The following NYAP2 variants were observed in gnomAD, a reference collection of about 807,000 sequenced individuals.
NYAP2 encodes the protein neuronal tyrosine-phosphorylated phosphoinositide-3-kinase adaptor 2.
Under a neutral mutation model 50.4 loss-of-function variants are expected in NYAP2, and 23 were observed. The observed-to-expected ratio is 0.46, with a 90% CI of 0.33 to 0.65. The LOEUF (loss-of-function observed/expected upper bound fraction) is 0.65. Among genes scored for constraint, NYAP2 ranks in the 30% least tolerant of loss-of-function variants. The pLI is 0.02. For synonymous variants in NYAP2, 394 were observed against 365.2 expected, an observed-to-expected ratio of 1.08 and a Z score of -0.90; for missense variants, 885 against 861.0, an observed-to-expected ratio of 1.03 and a Z score of -0.35.
the NYAP2 span, among the ~76,000 whole-genome samples, chr2:225,682,576 G>A: frequency 6.6e-6 from 1 of 152,166 alleles, no homozygotes; most frequent in Non-Finnish European, 1.5e-5. Context: ...GGAGGTGGAG[G>A]AGGAAAGGAG....
intron 4 of NYAP2, among the ~76,000 whole-genome samples, chr2:225,523,770 A>G (rs1691107115): frequency 6.6e-6 from 1 of 152,170 alleles, no homozygotes; most frequent in African/African-American, 2.4e-5. Flanking sequence ...AATCCTTAAA[A>G]GGAACAAAAC....
the NYAP2 span, among the ~76,000 whole-genome samples, chr2:225,686,213 G>A: frequency 1.3e-5 from 2 of 152,134 alleles, no homozygotes; most frequent in African/African-American, 2.4e-5. Context: ...GCTCCTAAGA[G>A]ATACAAAGTT....
chr2:225,431,223 T>C (rs1488826747), intron 3 of NYAP2, among the ~76,000 whole-genome samples: 1 of 152,260 alleles, frequency 6.6e-6, no homozygotes, highest in Non-Finnish European at 1.5e-5. Context: ...CAGACTAGTA[T>C]TTTAATCCAC....
chr2:225,666,217 C>T, the NYAP2 span, among the ~76,000 whole-genome samples: 1 of 152,146 alleles, frequency 6.6e-6, no homozygotes, highest in Non-Finnish European at 1.5e-5. Flanking sequence ...ACCTATGTAG[C>T]CTACCTTCTC....
chr2:225,512,509 C>T (rs961823677), intron 3 of NYAP2, among the ~76,000 whole-genome samples: 1 of 149,814 alleles, frequency 6.7e-6, no homozygotes, highest in African/African-American at 2.5e-5. Context: ...CCCTCCCTGC[C>T]TTTCCTCCTT....
chr2:225,420,431 T>G (rs151186429), intron 3 of NYAP2, among the ~76,000 whole-genome samples: 62 of 152,226 alleles, frequency 4.1e-4, no homozygotes, highest in Non-Finnish European at 8.1e-4. Context: ...TTTAAAATTT[T>G]TTTATAGTTT....
chr2:225,570,951 T>C (rs1692059834), intron 4 of NYAP2, among the ~76,000 whole-genome samples: 1 of 152,224 alleles, frequency 6.6e-6, no homozygotes, highest in Admixed American at 6.5e-5. Context: ...ATTGGGTAAA[T>C]ATGCATGTTC....
chr2:225,494,051 G>C (rs766459028), intron 3 of NYAP2, among the ~76,000 whole-genome samples: 10 of 152,124 alleles, frequency 6.6e-5, no homozygotes, highest in Non-Finnish European at 1.5e-4. Context: ...CTTCTCTCTA[G>C]TTTCACACTC....
Position 225,430,511 on chromosome 2 carries a change from C to A in NYAP2, c.221+21410C>A, listed in dbSNP as rs150208637. 5.9e-5 allele frequency among the ~76,000 whole-genome samples: 9 copies of A among 152,230 alleles called. No individual in the cohort carries two copies. The East Asian group carries it at 1.5e-3, about 26-fold the overall frequency. On this transcript the variant is annotated intron_variant, in intron 3 of 6. Coordinates refer to ENST00000636099, the Ensembl canonical transcript of NYAP2. ...GCTGCTTCTGTTATGGTGGATGATACCACTAACATCTACCACACACTGACA... is the reference window on the plus strand; with the variant it reads ...GCTGCTTCTGTTATGGTGGATGATAACACTAACATCTACCACACACTGACA...
At chr2:225,644,447 G>T (rs1178594804) in intron 6 of NYAP2, among the ~76,000 whole-genome samples, 21 of 151,546 alleles carry the variant, frequency 1.4e-4, no homozygotes, top group African/African-American at 3.1e-4. Context: ...TTAGTTTAAT[G>T]AGATCCCATT....
At chr2:225,652,714 C>T (rs1693756675) in exon 7 of NYAP2, 1 of 152,158 alleles carries the variant, frequency 6.6e-6, no homozygotes, top group Non-Finnish European at 1.5e-5. Context: ...ATGATACCTC[C>T]AAGGGAACTG....
intron 4 of NYAP2, among the ~76,000 whole-genome samples, chr2:225,518,546 A>AAATTAGCTTGTGAGCT (rs1213363616): frequency 1.3e-5 from 1 of 74,302 alleles, no homozygotes; most frequent in African/African-American, 5.0e-5. Flanking sequence ...ATATATATAT[A>AAATTAGCTTGTGAGCT]TATATATATA....
At chr2:225,606,251 T>C (rs1214778042) in intron 5 of NYAP2, among the ~76,000 whole-genome samples, 1 of 152,170 alleles carries the variant, frequency 6.6e-6, no homozygotes, top group African/African-American at 2.4e-5. Context: ...TGTGCGGTGC[T>C]ATGACTGGGA....
chr2:225,436,481 T>C (rs2106137467), intron 3 of NYAP2, among the ~76,000 whole-genome samples: 1 of 152,254 alleles, frequency 6.6e-6, no homozygotes, highest in South Asian at 2.1e-4. Context: ...TGTGTCTCTG[T>C]CCAAATTTCC....
chr2:225,492,897 T>C (rs914519210), intron 3 of NYAP2, among the ~76,000 whole-genome samples: 1 of 152,120 alleles, frequency 6.6e-6, no homozygotes, highest in Admixed American at 6.6e-5. Context: ...GGGAATTACA[T>C]CTCAACATGA....
intron 4 of NYAP2, among the ~76,000 whole-genome samples, chr2:225,547,005 G>T (rs527479663): frequency 6.6e-5 from 10 of 152,188 alleles, no homozygotes; most frequent in African/African-American, 2.2e-4. Flanking sequence ...GCCTAGAAGG[G>T]GGTCTCACAA....
chr2:225,510,883 G>T (rs2106183713), intron 3 of NYAP2, among the ~76,000 whole-genome samples: 2 of 152,164 alleles, frequency 1.3e-5, no homozygotes, highest in East Asian at 3.9e-4. Context: ...ATTCTGAAAT[G>T]AAGCAGACTA....
chr2:225,491,628 G>T (rs1372802527), intron 3 of NYAP2, among the ~76,000 whole-genome samples: 1 of 152,172 alleles, frequency 6.6e-6, no homozygotes, highest in Non-Finnish European at 1.5e-5. Flanking sequence ...TACGTATGTT[G>T]CAAAACTGTA....
chr2:225,631,034 G>A (rs1693304754), intron 6 of NYAP2, among the ~76,000 whole-genome samples: 2 of 152,176 alleles, frequency 1.3e-5, no homozygotes, highest in South Asian at 4.1e-4. Context: ...AGAACAGTAA[G>A]ACTGGATGAG....
Sources: allele counts gnomAD v4.1 joint callset (sites outside exome capture counted in the v4.1 genomes callset), GRCh38; gene constraint gnomAD v4.1.1; transcripts MANE v1.5; gene names NCBI Gene and HGNC (gene_info 2026-07-23, HGNC 2026-07-21).